Variants in ABCA5 observed in about 807,000 individuals in gnomAD.
ABCA5 encodes the protein ATP binding cassette subfamily A member 5.
A neutral mutation model predicts 206.0 loss-of-function variants in ABCA5; 163 were observed. That is an observed-to-expected ratio of 0.79 (90% CI 0.70 to 0.90). The LOEUF (loss-of-function observed/expected upper bound fraction) is 0.90. Among genes scored for constraint, ABCA5 ranks in the 40% least tolerant of loss-of-function variants. ABCA5 has a pLI of 0.00. For missense variants in ABCA5, 1,859 were observed against 1,912.9 expected, an observed-to-expected ratio of 0.97 and a Z score of 0.53; for synonymous variants, 609 against 613.8, an observed-to-expected ratio of 0.99 and a Z score of 0.11.
chr17:69,265,107 G>A (rs1415262643), intron 23 of ABCA5, among the ~76,000 whole-genome samples: 1 of 152,040 alleles, frequency 6.6e-6, no homozygotes, highest in African/African-American at 2.4e-5. Flanking sequence ...TTTCTGAGAT[G>A]TAACAATTTC....
At chr17:69,273,322 G>C (rs957257895) in intron 20 of ABCA5, among the ~76,000 whole-genome samples, 2 of 151,336 alleles carry the variant, frequency 1.3e-5, no homozygotes, top group African/African-American at 4.9e-5. Context: ...TTGTAAAGAG[G>C]GTTTTTCAAC....
Position 69,249,915 on chromosome 17 carries a change from C to A in ABCA5, c.4755G>T (p.Lys1585Asn). ...DVQSLSQSFF[K>N]LEEAKHAFAI... Reference sequence around the variant, plus strand: ...GAAGATACTACTTACCTTCTTCCAGCTTAAAAAAAGATTGTGAAAGGGACT... The same window carrying A: ...GAAGATACTACTTACCTTCTTCCAGATTAAAAAAAGATTGTGAAAGGGACT... The change falls in exon 37 of 39, where the codon AAG (lysine) becomes AAT (asparagine). Residue 1585 changes from lysine to asparagine, a missense_variant. By Grantham distance (94) the Lys-to-Asn change is moderately conservative. Coordinates refer to ENST00000392676, the MANE Select transcript of ABCA5 (RefSeq NM_172232.4). 1.3e-6 allele frequency: 2 copies of A among 1,545,840 alleles called. No homozygotes were observed. The highest frequency in any genetic ancestry group is 1.3e-5 in the South Asian group (1 of 76,484).
At chr17:69,316,297 A>G (rs1290019247) in intron 1 of ABCA5, among the ~76,000 whole-genome samples, 1 of 152,226 alleles carries the variant, frequency 6.6e-6, no homozygotes, top group Non-Finnish European at 1.5e-5. Flanking sequence ...GTTCAAGACC[A>G]GCCTGGCCAA....
At chr17:69,318,958 A>G in intron 1 of ABCA5, 1 of 574,522 alleles carries the variant, frequency 1.7e-6, no homozygotes, top group Non-Finnish European at 3.2e-6. Context: ...CCTTGGAACA[A>G]GTATAAATAA....
In ABCA5 at chr17:69,304,664, C is replaced by A; in HGVS notation, c.930+5G>T. The A allele has an allele frequency of 6.4e-7, 1 of 1,563,414 alleles. No individual in the cohort carries two copies. Among genetic ancestry groups the A allele is most frequent in the South Asian group, 1.2e-5 (1 of 82,064 alleles). On this transcript the variant is annotated splice_donor_5th_base_variant and intron_variant, in intron 7 of 38. Transcript: ENST00000392676. ...TTTATTCCTATCACAAGTTAAAATA[C>A]TTACAGATGATAATCCATAAAGGAA...
Position 69,280,440 on chromosome 17 carries a change from T to G in ABCA5, c.2393-2598A>C, listed in dbSNP as rs1331401588. On this transcript the variant is annotated intron_variant, in intron 18 of 38. Coordinates refer to ENST00000392676, the MANE Select transcript of ABCA5 (RefSeq NM_172232.4). ...AACACTTTTACACTGTTGGTGGCAC[T>G]GTAAACTAGTTCAACCATTGTGGAA... is the stretch of plus-strand genomic sequence containing the variant. Among the ~76,000 whole-genome samples, 974 of 150,624 alleles carry G rather than the reference T, an allele frequency of 6.5e-3. 14 individuals are homozygous for G. Among genetic ancestry groups the G allele is most frequent in the African/African-American group, 0.022 (909 of 41,246 alleles).
intron 8 of ABCA5, among the ~76,000 whole-genome samples, chr17:69,301,835 G>A (rs1416062254): frequency 4.6e-5 from 7 of 152,054 alleles, no homozygotes; most frequent in South Asian, 2.1e-4. Context: ...AAGTGAATAC[G>A]CTTTAATTAT....
chr17:69,252,023 T>TTTTTTTC (rs2075019919), intron 34 of ABCA5, among the ~76,000 whole-genome samples, 157 bp from the exon 35 acceptor site: 1 of 151,298 alleles, frequency 6.6e-6, no homozygotes, highest in East Asian at 1.9e-4. Flanking sequence ...ATGATTTTTT[T>TTTTTTTC]TTTTTTGAGA....
At chr17:69,258,899 G>A (rs1254193402) in intron 28 of ABCA5, among the ~76,000 whole-genome samples, 1 of 151,926 alleles carries the variant, frequency 6.6e-6, no homozygotes, top group Non-Finnish European at 1.5e-5. Flanking sequence ...AGAAGAAAAA[G>A]TAAAAACAAA....
intron 1 of ABCA5, among the ~76,000 whole-genome samples, chr17:69,323,729 A>G (rs2075881030): frequency 6.6e-6 from 1 of 152,186 alleles, no homozygotes; most frequent in African/African-American, 2.4e-5. Context: ...TAAACCCAGT[A>G]TCATCTTACC....
At chr17:69,275,159 G>T (rs372013753) in intron 19 of ABCA5, among the ~76,000 whole-genome samples, 2 of 151,888 alleles carry the variant, frequency 1.3e-5, no homozygotes, top group Non-Finnish European at 2.9e-5. Context: ...TACTTTTCAC[G>T]TAACAAGAAA....
At position 69,297,918 on chromosome 17, in the gene ABCA5, C is replaced by T. The variant is rs2075600550; in HGVS notation, c.1268-559G>A. On this transcript the variant is annotated intron_variant, in intron 9 of 38. Transcript: ENST00000392676. ...TATACAATGAGGCCAGGCATGGTGG[C>T]TCTCACCTATAATCCCAACACTTTG... 2.0e-5 allele frequency among the ~76,000 whole-genome samples: 3 copies of T among 152,182 alleles called. No individual in the cohort carries two copies. The South Asian group carries it at 6.2e-4, about 31-fold the overall frequency.
intron 9 of ABCA5, among the ~76,000 whole-genome samples, chr17:69,298,023 A>C (rs879713688): frequency 5.9e-5 from 9 of 152,162 alleles, no homozygotes; most frequent in Non-Finnish European, 1.3e-4. Context: ...TGTCTCTGCA[A>C]AAAATACAAA....
At chr17:69,258,703 T>A (rs566173231) in intron 28 of ABCA5, among the ~76,000 whole-genome samples, 182 of 152,158 alleles carry the variant, frequency 1.2e-3, no homozygotes, top group Non-Finnish European at 2.0e-3. Flanking sequence ...ATATTTTTTT[T>A]AAAAAACCAG....
chr17:69,249,341 A>G (rs1187279450), intron 37 of ABCA5: 2 of 152,220 alleles, frequency 1.3e-5, no homozygotes, highest in Non-Finnish European at 2.9e-5. Context: ...TGTCACCAGC[A>G]TATATATATT....
chr17:69,250,666 T>G, intron 35 of ABCA5, 45 bp from the exon 36 acceptor site: 1 of 1,422,446 alleles, frequency 7.0e-7, no homozygotes, highest in South Asian at 1.3e-5. Context: ...AAATGACAGC[T>G]TCAAAGAATA....
intron 22 of ABCA5, among the ~76,000 whole-genome samples, chr17:69,269,064 C>T (rs779748178): frequency 3.9e-5 from 6 of 152,066 alleles, no homozygotes; most frequent in East Asian, 1.9e-4. Flanking sequence ...AATATTAATA[C>T]GACTATATAT....
chr17:69,316,310 T>G (rs2075815142), intron 1 of ABCA5, among the ~76,000 whole-genome samples: 1 of 152,014 alleles, frequency 6.6e-6, no homozygotes, highest in South Asian at 2.1e-4. Flanking sequence ...CTGGCCAACA[T>G]GGTAAAACCC....
At chr17:69,293,876 G>C (rs892192287) in intron 11 of ABCA5, among the ~76,000 whole-genome samples, 1 of 104,746 alleles carries the variant, frequency 9.5e-6, no homozygotes. Flanking sequence ...GTGTGTGCGT[G>C]TGTGTGTGTT....
Sources: allele counts gnomAD v4.1 joint callset (sites outside exome capture counted in the v4.1 genomes callset), GRCh38; gene constraint gnomAD v4.1.1; transcripts MANE v1.5; gene names NCBI Gene and HGNC (gene_info 2026-07-23, HGNC 2026-07-21).